Variants in PHTF2 observed in about 807,000 individuals in gnomAD.
PHTF2 encodes the protein protein PHTF2.
PHTF2 carries 60 observed loss-of-function variants against 101.2 expected under a neutral mutation model. The ratio of observed to expected loss-of-function variants is 0.59; its 90% CI spans 0.48 to 0.73. The LOEUF (loss-of-function observed/expected upper bound fraction) is 0.73, where lower values mean the gene tolerates loss of function less well. PHTF2 is among the 30% of genes least tolerant of loss of function. The pLI, the probability that PHTF2 is intolerant of heterozygous loss-of-function variation, is 0.00. For missense variants in PHTF2, 747 were observed against 908.7 expected (o/e 0.82, Z 2.29); for synonymous variants, 311 against 307.3 (o/e 1.01, Z -0.13).
At chr7:77,802,578 G>C (rs1485375996) in intron 1 of PHTF2, among the ~76,000 whole-genome samples, 1 of 152,130 alleles carries the variant, frequency 6.6e-6, no homozygotes, top group Non-Finnish European at 1.5e-5. Flanking sequence ...GTCTCATTCT[G>C]TCTTCCAGGT....
intron 3 of PHTF2, among the ~76,000 whole-genome samples, chr7:77,860,961 C>T (rs1168830769): frequency 6.6e-6 from 1 of 152,140 alleles, no homozygotes; most frequent in Non-Finnish European, 1.5e-5. Flanking sequence ...ACCTCGGCCT[C>T]CCAAATTGTT....
intron 2 of PHTF2, among the ~76,000 whole-genome samples, chr7:77,854,442 A>G (rs1797007696): frequency 6.6e-6 from 1 of 152,088 alleles, no homozygotes; most frequent in African/African-American, 2.4e-5. Context: ...TACAGCGACT[A>G]CTACCTGGGC....
At chr7:77,941,760 T>TA (rs1474533917) in intron 15 of PHTF2, among the ~76,000 whole-genome samples, 1 of 152,208 alleles carries the variant, frequency 6.6e-6, no homozygotes, top group Non-Finnish European at 1.5e-5. Flanking sequence ...CTACTTCAGT[T>TA]ACCTCTTACC....
At chr7:77,930,792 C>G (rs190167695) in intron 12 of PHTF2, among the ~76,000 whole-genome samples, 4 of 152,286 alleles carry the variant, frequency 2.6e-5, no homozygotes, top group East Asian at 1.9e-4. Context: ...TAAGGGAGCT[C>G]TGGTCTCTTT....
At chr7:77,883,888 T>C (rs73703840) in intron 3 of PHTF2, among the ~76,000 whole-genome samples, 1 of 152,354 alleles carries the variant, frequency 6.6e-6, no homozygotes, top group African/African-American at 2.4e-5. Flanking sequence ...AATTGAAGCC[T>C]AGAGAGATTA....
At chr7:77,850,772 A>G (rs1024197718) in intron 2 of PHTF2, among the ~76,000 whole-genome samples, 1 of 152,132 alleles carries the variant, frequency 6.6e-6, no homozygotes, top group Non-Finnish European at 1.5e-5. Context: ...GCTTTTCCCT[A>G]ATCAGTTTGA....
intron 2 of PHTF2, among the ~76,000 whole-genome samples, chr7:77,850,651 A>C (rs1344083640): frequency 1.3e-5 from 2 of 151,544 alleles, no homozygotes; most frequent in East Asian, 3.9e-4. Context: ...CAAAAAAAAA[A>C]AAAAAAAAAG....
At chr7:77,900,846 A>G (rs746502895) in intron 6 of PHTF2, 66 bp downstream of exon 5, 6 of 835,450 alleles carry the variant, frequency 7.2e-6, no homozygotes, top group Non-Finnish European at 1.2e-5. Context: ...AATTCAAAAT[A>G]GGTTTAAATA....
intron 9 of PHTF2, among the ~76,000 whole-genome samples, chr7:77,917,169 T>C (rs992293098): frequency 6.6e-6 from 1 of 152,164 alleles, no homozygotes; most frequent in African/African-American, 2.4e-5. Flanking sequence ...GATGATCAGA[T>C]CAACCTAATT....
At chr7:77,917,873 A>G (rs951972200) in intron 9 of PHTF2, among the ~76,000 whole-genome samples, 1 of 152,330 alleles carries the variant, frequency 6.6e-6, no homozygotes. Context: ...TTAGTTTGCA[A>G]CTTACCTTCA....
intron 1 of PHTF2, among the ~76,000 whole-genome samples, chr7:77,839,269 G>GTTA (rs1795694225): frequency 6.6e-6 from 1 of 152,168 alleles, no homozygotes; most frequent in Non-Finnish European, 1.5e-5. Flanking sequence ...CTTAACACTA[G>GTTA]ACCAGAGGTA....
intron 3 of PHTF2, among the ~76,000 whole-genome samples, chr7:77,887,168 T>G (rs1799934957): frequency 6.6e-6 from 1 of 151,984 alleles, no homozygotes; most frequent in African/African-American, 2.4e-5. Flanking sequence ...CTTCTAAATA[T>G]CTGGTGTATA....
intron 1 of PHTF2, among the ~76,000 whole-genome samples, chr7:77,805,610 A>C (rs1792911717): frequency 6.6e-6 from 1 of 152,200 alleles, no homozygotes; most frequent in African/African-American, 2.4e-5. Flanking sequence ...TTTCATTTTC[A>C]TTGAAGTTCA....
intron 12 of PHTF2, among the ~76,000 whole-genome samples, chr7:77,936,757 T>A (rs1248480062): frequency 2.2e-5 from 3 of 138,952 alleles, no homozygotes; most frequent in African/African-American, 5.8e-5. Flanking sequence ...GATCTCTATC[T>A]GGGTTTAATC....
intron 16 of PHTF2, among the ~76,000 whole-genome samples, chr7:77,947,562 C>A (rs894007511): frequency 1.3e-5 from 2 of 150,390 alleles, no homozygotes; most frequent in Admixed American, 6.6e-5. Flanking sequence ...GACTCAGTCT[C>A]AAAAAAAATT....
chr7:77,945,247 A>G (rs1392243998), intron 16 of PHTF2, among the ~76,000 whole-genome samples: 4 of 152,226 alleles, frequency 2.6e-5, no homozygotes, highest in Non-Finnish European at 5.9e-5. Flanking sequence ...ATGAGGCAGG[A>G]GAATCGCTTG....
chr7:77,819,876 T>C (rs998630465), intron 1 of PHTF2, among the ~76,000 whole-genome samples: 6 of 152,104 alleles, frequency 3.9e-5, no homozygotes, highest in Non-Finnish European at 5.9e-5. Context: ...ACTTTTCTTT[T>C]ATGGGAGACT....
chr7:77,873,242 C>T (rs548344642), intron 3 of PHTF2, among the ~76,000 whole-genome samples: 1 of 152,236 alleles, frequency 6.6e-6, no homozygotes, highest in East Asian at 1.9e-4. Context: ...CCTTTTTTAA[C>T]TCCCGGAGCT....
intron 15 of PHTF2, among the ~76,000 whole-genome samples, chr7:77,942,120 C>T (rs1805683357): frequency 6.6e-6 from 1 of 152,106 alleles, no homozygotes; most frequent in Non-Finnish European, 1.5e-5. Flanking sequence ...GCCATCATGC[C>T]CCTGCCCCTC....
Sources: gnomAD v4.1 joint callset for allele counts (sites outside exome capture counted in the v4.1 genomes callset) on GRCh38, gnomAD v4.1.1 for gene constraint, MANE v1.5 for transcripts, NCBI Gene and HGNC (gene_info 2026-07-23, HGNC 2026-07-21) for gene names.